SYT9: variants seen among roughly 807,000 people sequenced by gnomAD.
SYT9 encodes the protein synaptotagmin 9, also known as synaptotagmin-9.
In SYT9, 22 loss-of-function variants were observed where a neutral mutation model predicts 48.4. The observed-to-expected ratio is 0.45, with a 90% CI of 0.32 to 0.65. The LOEUF (loss-of-function observed/expected upper bound fraction) is 0.65, where lower values mean the gene tolerates loss of function less well. SYT9 is among the 30% of genes least tolerant of loss of function. The pLI is 0.03. For missense variants in SYT9, 577 were observed against 622.0 expected (o/e 0.93, Z 0.77); for synonymous variants, 265 against 245.0 (o/e 1.08, Z -0.76).
rs1284062638 is a variant in SYT9 at position 7,313,913 on chromosome 11, T to A, written c.1016T>A (p.Leu339His). Reference protein sequence around the residue: ...DLADFPRECILWKDIEYVTND... With the variant: ...DLADFPRECIHWKDIEYVTND... ...GCTGATTTCCCCAGGGAGTGCATCC[T>A]TTGGAAGGATATCGAATATGTCACC... The change falls in exon 3 of 7, where the codon CTT (leucine) becomes CAT (histidine). Residue 339 changes from leucine to histidine, a missense_variant. Leu to His is a moderately conservative substitution (Grantham distance 99, BLOSUM62 -3). Transcript: ENST00000318881. 1 of 1,613,286 alleles carries A rather than the reference T, an allele frequency of 6.2e-7. No individual in the cohort carries two copies. The highest frequency in any genetic ancestry group is 8.5e-7 in the Non-Finnish European group (1 of 1,179,790).
chr11:7,428,159 G>A (rs1035441592), intron 6 of SYT9: 5 of 152,190 alleles, frequency 3.3e-5, no homozygotes, highest in Non-Finnish European at 7.3e-5. Context: ...AAACATAGGA[G>A]TACTTAGGGT....
At chr11:7,249,624 T>C (rs1390684834), upstream of SYT9, among the ~76,000 whole-genome samples, 2 of 152,214 alleles carry the variant, frequency 1.3e-5, no homozygotes, top group African/African-American at 2.4e-5. Context: ...TACATTGTAG[T>C]AGAAACATAA....
rs376648971 is a variant in SYT9, at chr11:7,242,774, A to C, written c.49+3858A>C. Among the ~76,000 whole-genome samples the C allele has an allele frequency of 7.9e-5, 12 of 152,220 alleles. No homozygotes were observed. In the South Asian group the frequency reaches 1.9e-3, roughly 24 times the overall value. ...ATTGAAAGTATAACCAGGCTGGGTG[A>C]GGTGGCTTACACCTGTAATCCCAGC... On this transcript the variant is annotated intron_variant and NMD_transcript_variant, in intron 1 of 8. Coordinates refer to the SYT9 transcript ENST00000524820.
At chr11:7,340,209 GGTCA>G (rs1305013889) in intron 3 of SYT9, among the ~76,000 whole-genome samples, 17 of 152,106 alleles carry the variant, frequency 1.1e-4, no homozygotes, top group Non-Finnish European at 1.9e-4. Context: ...AGCTCTATCA[GGTCA>G]GTTAGGTTCT....
intron 3 of SYT9, among the ~76,000 whole-genome samples, chr11:7,363,661 A>T (rs1211149318): frequency 2.0e-5 from 3 of 152,214 alleles, no homozygotes; most frequent in Non-Finnish European, 4.4e-5. Flanking sequence ...AATGAAGTAG[A>T]AGCTTCCGCA....
chr11:7,424,703 AT>A (rs762205144), intron 6 of SYT9, among the ~76,000 whole-genome samples: 1 of 152,184 alleles, frequency 6.6e-6, no homozygotes, highest in Non-Finnish European at 1.5e-5. Context: ...GATCAGCACT[AT>A]TATCCTATAG....
intron 1 of SYT9, among the ~76,000 whole-genome samples, chr11:7,300,591 G>C (rs1200678199): frequency 1.3e-5 from 2 of 152,052 alleles, no homozygotes; most frequent in African/African-American, 4.8e-5. Flanking sequence ...TGGTCTCCTA[G>C]CAGTGTCTGT....
chr11:7,328,393 C>G (rs2133974013), intron 3 of SYT9, among the ~76,000 whole-genome samples: 1 of 152,162 alleles, frequency 6.6e-6, no homozygotes, highest in Non-Finnish European at 1.5e-5. Flanking sequence ...TTTCTCCCTT[C>G]TACCAACTTA....
At chr11:7,423,943 G>T (rs1564898852) in intron 6 of SYT9, among the ~76,000 whole-genome samples, 1 of 152,338 alleles carries the variant, frequency 6.6e-6, no homozygotes, top group South Asian at 2.1e-4. Context: ...CAGTGCTCAT[G>T]ATAACAGAGT....
At chr11:7,246,864 T>C (rs540865159) in intron 1 of SYT9, among the ~76,000 whole-genome samples, 1 of 152,330 alleles carries the variant, frequency 6.6e-6, no homozygotes. Context: ...GGGCTGGCTG[T>C]TGACTGAGGC....
intron 3 of SYT9, among the ~76,000 whole-genome samples, chr11:7,400,904 G>A (rs118154393): frequency 1.1e-3 from 163 of 152,170 alleles, no homozygotes; most frequent in Non-Finnish European, 2.0e-3. Flanking sequence ...CTGAAAGCCT[G>A]CTGCTATCTG....
rs139175453 is a variant in SYT9, at chr11:7,259,541, C to T, written c.145+7210C>T. On this transcript the variant is annotated intron_variant, in intron 1 of 6. Transcript: ENST00000318881. ...TACATGTCAACAGTAAATCCGCTAG[C>T]ATTAGGTGTATAATGTGAACAAAAG... Among the ~76,000 whole-genome samples the T allele has an allele frequency of 6.6e-4, 101 of 152,160 alleles. 3 individuals are homozygous for T. In the East Asian group the frequency reaches 0.019, roughly 29 times the overall value.
chr11:7,415,956 T>G, intron 3 of SYT9, 86 bp from the exon 4 acceptor site: 1 of 1,541,542 alleles, frequency 6.5e-7, no homozygotes, highest in Non-Finnish European at 8.9e-7. Flanking sequence ...GGCAGTGTGT[T>G]CCCTTTCAGT....
At position 7,438,107 on chromosome 11, in the gene SYT9, A is replaced by G. The variant is rs894509290; in HGVS notation, c.1467+17472A>G. ...GTTCCAGTGTAATAGTGTCAATCAT[A>G]TAATTGGTGGTTTCAAATTTTGTAT... is the stretch of plus-strand genomic sequence containing the variant. On this transcript the variant is annotated intron_variant, in intron 6 of 6. Coordinates refer to ENST00000318881, the MANE Select transcript of SYT9 (RefSeq NM_175733.4). 4 of 152,196 alleles carry G rather than the reference A, an allele frequency of 2.6e-5. 1 individual carries two copies. In the South Asian group the frequency reaches 8.3e-4, roughly 32 times the overall value. 9.4% of individuals were successfully genotyped at this position (152,196 alleles called of 1,614,324 possible). A position where few individuals can be genotyped will look rare whatever the true frequency, so the allele number is the denominator to read the frequency against.
At chr11:7,248,324 TTTAA>T (rs1381077742), upstream of SYT9, among the ~76,000 whole-genome samples, 1 of 152,168 alleles carries the variant, frequency 6.6e-6, no homozygotes, top group Non-Finnish European at 1.5e-5. Context: ...AGCTCTTTAG[TTTAA>T]TTAAGTCCCA....
intron 3 of SYT9, among the ~76,000 whole-genome samples, chr11:7,347,957 G>A (rs945496662): frequency 3.3e-5 from 5 of 152,310 alleles, no homozygotes; most frequent in African/African-American, 1.2e-4. Context: ...GTGAAACAGC[G>A]ACTCTGCTCT....
intron 3 of SYT9, among the ~76,000 whole-genome samples, chr11:7,372,716 A>G (rs916425811): frequency 6.6e-6 from 1 of 152,088 alleles, no homozygotes; most frequent in Non-Finnish European, 1.5e-5. Flanking sequence ...ATTAGTTTCA[A>G]TAGTTCTTCA....
chr11:7,467,056 A>G lies in SYT9; in HGVS notation c.*256A>G, dbSNP rs1022816128. The G allele has an allele frequency of 7.8e-6, 4 of 511,534 alleles. No homozygotes were observed. The highest frequency in any genetic ancestry group is 1.4e-5 in the Non-Finnish European group (4 of 282,234). The allele number at this position is 511,534 out of a possible 1,614,324, so 31.7% of individuals were successfully genotyped here. On this transcript the variant is annotated 3_prime_UTR_variant, in exon 7 of 7. Coordinates refer to ENST00000318881, the MANE Select transcript of SYT9 (RefSeq NM_175733.4). ...TCATGCCAAGAACCAAGATCGGACT[A>G]TGAACAAAAACAAATGATAGATATA...
chr11:7,285,729 C>T (rs1848584116), intron 1 of SYT9, among the ~76,000 whole-genome samples: 1 of 152,178 alleles, frequency 6.6e-6, no homozygotes, highest in Non-Finnish European at 1.5e-5. Context: ...TAGTGACTTG[C>T]TAGATACAAT....
Sources: allele counts gnomAD v4.1 joint callset (sites outside exome capture counted in the v4.1 genomes callset), GRCh38; gene constraint gnomAD v4.1.1; transcripts MANE v1.5; gene names NCBI Gene and HGNC (gene_info 2026-07-23, HGNC 2026-07-21).